TMX3: variants seen among roughly 807,000 people sequenced by gnomAD.
The protein encoded by TMX3 is protein disulfide-isomerase TMX3.
Under a neutral mutation model 64.4 loss-of-function variants are expected in TMX3, and 40 were observed. The ratio of observed to expected loss-of-function variants is 0.62; its 90% CI spans 0.48 to 0.81. The LOEUF (loss-of-function observed/expected upper bound fraction) is 0.81, where lower values mean the gene tolerates loss of function less well. TMX3 is among the 30% of genes least tolerant of loss of function. The pLI, the probability that TMX3 is intolerant of heterozygous loss-of-function variation, is 0.00. For synonymous variants in TMX3, 189 were observed against 175.7 expected, an observed-to-expected ratio of 1.08 and a Z score of -0.60; for missense variants, 497 against 534.5, an observed-to-expected ratio of 0.93 and a Z score of 0.69.
chr18:68,691,147 A>T (rs1914478946), intron 9 of TMX3, 148 bp downstream of exon 9: 1 of 459,448 alleles, frequency 2.2e-6, no homozygotes, highest in Admixed American at 4.3e-5. Context: ...GAAGGGTGAA[A>T]AAAAACCCAA....
intron 3 of TMX3, 21 bp downstream of exon 3, chr18:68,711,343 A>T: frequency 6.4e-7 from 1 of 1,565,766 alleles, no homozygotes; most frequent in Non-Finnish European, 8.7e-7. Context: ...GGTAATTAGC[A>T]TATAAAATTT....
At chr18:68,704,893 TACTC>T (rs1366227289) in intron 4 of TMX3, among the ~76,000 whole-genome samples, 4 of 152,350 alleles carry the variant, frequency 2.6e-5, no homozygotes, top group African/African-American at 9.6e-5. Context: ...TGTGCAAAAT[TACTC>T]AGTCATTTCA....
intron 4 of TMX3, among the ~76,000 whole-genome samples, chr18:68,709,225 G>C (rs1051869859): frequency 6.6e-6 from 1 of 152,092 alleles, no homozygotes; most frequent in African/African-American, 2.4e-5. Context: ...GGCAGAGCGA[G>C]GATTTGAATC....
At chr18:68,689,691 C>T (rs1252770102) in intron 9 of TMX3, 1 of 152,128 alleles carries the variant, frequency 6.6e-6, no homozygotes, top group African/African-American at 2.4e-5. Flanking sequence ...TTTTCCTTCT[C>T]ATATTTTCAA....
intron 13 of TMX3, 109 bp from the exon 14 acceptor site, chr18:68,681,219 T>C: frequency 1.0e-6 from 1 of 989,280 alleles, no homozygotes; most frequent in Non-Finnish European, 1.3e-6. Flanking sequence ...TTTAACACAT[T>C]TGTGCATATT....
intron 4 of TMX3, among the ~76,000 whole-genome samples, chr18:68,707,404 T>C (rs2030785148): frequency 6.6e-6 from 1 of 152,182 alleles, no homozygotes; most frequent in Non-Finnish European, 1.5e-5. Context: ...TCTAAGTGTC[T>C]CAGGAAAACA....
chr18:68,696,704 T>C (rs1349914926), intron 8 of TMX3, among the ~76,000 whole-genome samples: 1 of 152,006 alleles, frequency 6.6e-6, no homozygotes, highest in Non-Finnish European at 1.5e-5. Context: ...CTCGAATTCC[T>C]GACCTCGGGT....
In TMX3 at chr18:68,697,289, A is replaced by T; in HGVS notation, c.507T>A (p.Asp169Glu). The change falls in exon 8 of 16, where the codon GAT becomes GAA. Residue 169 changes from aspartate (D) to glutamate (E), a missense_variant. Asp to Glu is a conservative substitution (Grantham distance 45). Coordinates refer to ENST00000299608, the MANE Select transcript of TMX3 (RefSeq NM_019022.5). ...TATATACAATCAATTCTGAAGCAGC[A>T]TCTATGTATTTCTCCTATGAAGATA... ...GESPLKEKYI[D>E]AASELIVYTY... is the part of the protein sequence containing the mutation. The T allele has an allele frequency of 1.3e-6, 2 of 1,574,778 alleles. No individual in the cohort carries two copies. The highest frequency in any genetic ancestry group is 1.7e-6 in the Non-Finnish European group (2 of 1,158,060).
At chr18:68,692,661 C>G (rs1039014744) in intron 8 of TMX3, among the ~76,000 whole-genome samples, 1 of 152,068 alleles carries the variant, frequency 6.6e-6, no homozygotes, top group Admixed American at 6.5e-5. Context: ...TGTGAAGTAA[C>G]TATTATTTCC....
Position 68,710,102 on chromosome 18 carries a change from T to G in TMX3, c.184A>C (p.Ile62Leu). The change falls in exon 4 of 16, where the codon ATT (isoleucine) becomes CTT (leucine). Residue 62 changes from isoleucine to leucine, a missense_variant. Ile to Leu is a conservative substitution (Grantham distance 5). Coordinates refer to ENST00000299608, the MANE Select transcript of TMX3 (RefSeq NM_019022.5). Reference protein sequence around the residue: ...WCGHCKKLEPIWNEVGLEMKS... With the variant: ...WCGHCKKLEPLWNEVGLEMKS... ...ATCTCAAGACCAACTTCATTCCAAATTGGTTCCAGCTTTTTACAATGGCCA... is the reference window on the plus strand; with the variant it reads ...ATCTCAAGACCAACTTCATTCCAAAGTGGTTCCAGCTTTTTACAATGGCCA... 1 of 1,602,294 alleles carries G rather than the reference T, an allele frequency of 6.2e-7. No homozygotes were observed. The highest frequency in any genetic ancestry group is 8.5e-7 in the Non-Finnish European group (1 of 1,174,808).
Position 68,676,425 on chromosome 18 carries a change from A to C in TMX3, c.*508T>G, listed in dbSNP as rs1912932111. 1 of 153,530 alleles carries C rather than the reference A, an allele frequency of 6.5e-6. No homozygotes were observed. The highest frequency in any genetic ancestry group is 2.4e-5 in the African/African-American group (1 of 41,450). The allele number at this position is 153,530 out of a possible 1,614,324, so 9.5% of individuals were successfully genotyped here. A position where few individuals can be genotyped will look rare whatever the true frequency, so the allele number is the denominator to read the frequency against. ...AAACCACTATGCTATATAAAACCAC[A>C]TTATTTTTAACCTCATAATCTTGAT... On this transcript the variant is annotated 3_prime_UTR_variant, in exon 16 of 16. Transcript: ENST00000299608.
At chr18:68,701,821 A>AT (rs747878649) in intron 4 of TMX3, 31 bp from the exon 5 acceptor site, 27 of 1,592,456 alleles carry the variant, frequency 1.7e-5, no homozygotes, top group African/African-American at 4.1e-5. Flanking sequence ...AGCATTCTAA[A>AT]TTTTTTTTAA....
rs537564380 is a variant in TMX3, at chr18:68,703,059, C to T, written c.266-1269G>A. ...AGCAAGCACATAATTTATTTGTGCC[C>T]GTCTGTAATCTAGGACTTCATTCTG... is the stretch of plus-strand genomic sequence containing the variant. On this transcript the variant is annotated intron_variant, in intron 4 of 15. Transcript: ENST00000299608. Among the ~76,000 whole-genome samples the T allele has an allele frequency of 2.1e-4, 32 of 152,244 alleles. 1 individual carries two copies. The South Asian group carries it at 5.4e-3, about 26-fold the overall frequency.
At chr18:68,697,720 A>G (rs778949838) in intron 7 of TMX3, 5 of 471,888 alleles carry the variant, frequency 1.1e-5, no homozygotes, top group Non-Finnish European at 1.9e-5. Flanking sequence ...GGCAGGCAAC[A>G]TTTACTCACT....
In TMX3 at chr18:68,675,456, G is replaced by T. The variant is rs1182771445; in HGVS notation, c.*1477C>A. 1 of 152,132 alleles carries T rather than the reference G, an allele frequency of 6.6e-6. No individual in the cohort carries two copies. The highest frequency in any genetic ancestry group is 1.5e-5 in the Non-Finnish European group (1 of 68,022). The allele number at this position is 152,132 out of a possible 1,614,324, so 9.4% of individuals were successfully genotyped here. ...CTAGTAATTCCTTAGTACTTAAGAT[G>T]CAAGTGTCCATACAGTCTTGATTAG... On this transcript the variant is annotated 3_prime_UTR_variant, in exon 16 of 16. Transcript: ENST00000299608.
chr18:68,691,650 C>A (rs1352785235), intron 8 of TMX3, among the ~76,000 whole-genome samples: 1 of 152,170 alleles, frequency 6.6e-6, no homozygotes, highest in Non-Finnish European at 1.5e-5. Flanking sequence ...AGGTTTAAGT[C>A]CTTCCCCACC....
chr18:68,682,293 T>G (rs1432760735), intron 13 of TMX3, among the ~76,000 whole-genome samples: 1 of 152,196 alleles, frequency 6.6e-6, no homozygotes, highest in Non-Finnish European at 1.5e-5. Flanking sequence ...ATTTATTAAT[T>G]CAGTACAGGG....
intron 15 of TMX3, among the ~76,000 whole-genome samples, chr18:68,679,234 C>T (rs1599293937): frequency 6.6e-6 from 1 of 152,216 alleles, no homozygotes; most frequent in Non-Finnish European, 1.5e-5. Flanking sequence ...TTAAATTATA[C>T]TATCAAGTTA....
intron 9 of TMX3, chr18:68,689,765 T>C (rs1449332119): frequency 1.3e-5 from 2 of 152,214 alleles, no homozygotes; most frequent in African/African-American, 4.8e-5. Context: ...TCAATAAACA[T>C]CCAATTAATG....
Sources: gnomAD v4.1 joint callset for allele counts (sites outside exome capture counted in the v4.1 genomes callset) on GRCh38, gnomAD v4.1.1 for gene constraint, MANE v1.5 for transcripts, NCBI Gene and HGNC (gene_info 2026-07-23, HGNC 2026-07-21) for gene names.